Variants in RASA1 observed in about 807,000 individuals in gnomAD.
The protein encoded by RASA1 is RAS p21 protein activator 1.
RASA1 carries 25 observed loss-of-function variants against 132.2 expected under a neutral mutation model. The observed-to-expected ratio is 0.19, with a 90% confidence interval of 0.14 to 0.26. RASA1 has a LOEUF of 0.26. RASA1 is among the 10% of genes least tolerant of loss of function. RASA1 has a pLI of 1.00. For synonymous variants in RASA1, 477 were observed against 449.9 expected, an observed-to-expected ratio of 1.06 and a Z score of -0.76; for missense variants, 964 against 1,299.2, an observed-to-expected ratio of 0.74 and a Z score of 3.97.
chr5:87,389,698 A>G (rs898888766), intron 24 of RASA1, among the ~76,000 whole-genome samples, 171 bp downstream of exon 24: 7 of 152,232 alleles, frequency 4.6e-5, no homozygotes, highest in Non-Finnish European at 1.0e-4. Context: ...CCCGACTAAA[A>G]TGATGTACAT....
chr5:87,335,696 G>A (rs1757927936), intron 4 of RASA1, among the ~76,000 whole-genome samples: 1 of 152,104 alleles, frequency 6.6e-6, no homozygotes, highest in Non-Finnish European at 1.5e-5. Context: ...AAAGTGCTGG[G>A]ATTGCAGGCA....
At chr5:87,319,301 G>A (rs377301663) in intron 1 of RASA1, among the ~76,000 whole-genome samples, 1 of 152,234 alleles carries the variant, frequency 6.6e-6, no homozygotes, top group Non-Finnish European at 1.5e-5. Context: ...CAGTGCCCTA[G>A]TGGAGACTCT....
intron 7 of RASA1, 119 bp from the exon 8 acceptor site, chr5:87,349,095 G>T: frequency 1.6e-6 from 2 of 1,228,738 alleles, no homozygotes; most frequent in Non-Finnish European, 1.1e-6. Context: ...AAAAAAACAA[G>T]TTCCTGGTGA....
chr5:87,360,123 A>ATT (rs1759962456), intron 9 of RASA1, among the ~76,000 whole-genome samples: 1 of 140,668 alleles, frequency 7.1e-6, no homozygotes, highest in African/African-American at 2.7e-5. Context: ...ATCAAAATGC[A>ATT]GTTTTTTTTT....
Position 87,312,244 on chromosome 5 carries a change from C to T in RASA1, c.540-19104C>T, listed in dbSNP as rs925951822. On this transcript the variant is annotated intron_variant, in intron 1 of 24. Coordinates refer to ENST00000274376, the MANE Select transcript of RASA1 (RefSeq NM_002890.3). ...TTTAGTAAGTAATAGTCTTCATATA[C>T]TATGAATCAAAGCAATATAGAGCAA... 2.6e-4 allele frequency among the ~76,000 whole-genome samples: 40 copies of T among 152,106 alleles called. 2 individuals are homozygous for T. Among genetic ancestry groups the T allele is most frequent in the Non-Finnish European group, 1.5e-5 (1 of 68,022 alleles).
chr5:87,283,148 G>GTTTTTTTTTTTTTTTTGTTTT (rs200461511), intron 1 of RASA1, among the ~76,000 whole-genome samples: 2 of 103,258 alleles, frequency 1.9e-5, no homozygotes, highest in East Asian at 2.6e-4. Context: ...TTTTTTTTGT[G>GTTTTTTTTTTTTTTTTGTTTT]TTTTTTTTTT....
chr5:87,284,900 A>C (rs888501766), intron 1 of RASA1, among the ~76,000 whole-genome samples: 5 of 152,144 alleles, frequency 3.3e-5, no homozygotes, highest in Non-Finnish European at 7.4e-5. Context: ...TAACAAGTGA[A>C]TAGGAAATAA....
intron 7 of RASA1, among the ~76,000 whole-genome samples, chr5:87,347,536 T>G (rs1232235472): frequency 6.6e-6 from 1 of 152,006 alleles, no homozygotes; most frequent in African/African-American, 2.4e-5. Flanking sequence ...ATTCAATAGT[T>G]TCTATATTTG....
At chr5:87,287,044 C>A (rs552902998) in intron 1 of RASA1, among the ~76,000 whole-genome samples, 108 of 141,562 alleles carry the variant, frequency 7.6e-4, no homozygotes, top group Non-Finnish European at 1.3e-3. Flanking sequence ...ATATACACAC[C>A]ATATATATAC....
chr5:87,274,137 T>C (rs1402111657), intron 1 of RASA1, among the ~76,000 whole-genome samples: 2 of 152,218 alleles, frequency 1.3e-5, no homozygotes, highest in African/African-American at 4.8e-5. Flanking sequence ...AGGTGGGTAC[T>C]GAGGTCTCCA....
Position 87,338,618 on chromosome 5 carries a change from C to T in RASA1, c.1017+527C>T, listed in dbSNP as rs980082333. Among the ~76,000 whole-genome samples the T allele has an allele frequency of 1.9e-4, 28 of 148,604 alleles. 1 individual carries two copies. The South Asian group carries it at 4.0e-3, about 21-fold the overall frequency. ...AACGCCTGACCTCAAGTGTTCCACC[C>T]GCCTTAGCCTCCCAAAGTACTGGGA... On this transcript the variant is annotated intron_variant, in intron 5 of 24. Coordinates refer to ENST00000274376, the MANE Select transcript of RASA1 (RefSeq NM_002890.3).
chr5:87,281,426 T>A (rs1431324869), intron 1 of RASA1, among the ~76,000 whole-genome samples: 1 of 152,002 alleles, frequency 6.6e-6, no homozygotes, highest in Non-Finnish European at 1.5e-5. Flanking sequence ...TATTTTCTAT[T>A]TTCTTAATAA....
chr5:87,292,553 T>C (rs529227985), intron 1 of RASA1, among the ~76,000 whole-genome samples: 1 of 152,280 alleles, frequency 6.6e-6, no homozygotes, highest in South Asian at 2.1e-4. Context: ...TACCACACTA[T>C]CTTGGTTACT....
chr5:87,343,452 G>C (rs987851890), intron 6 of RASA1, among the ~76,000 whole-genome samples: 2 of 151,984 alleles, frequency 1.3e-5, no homozygotes. Flanking sequence ...CTGCCAGCAG[G>C]TATATGAAAA....
chr5:87,285,308 C>T (rs1754501500), intron 1 of RASA1, among the ~76,000 whole-genome samples: 1 of 151,890 alleles, frequency 6.6e-6, no homozygotes. Context: ...ACCTCGTGAT[C>T]CTTCCTCCTC....
chr5:87,305,593 A>C (rs1195007478), intron 1 of RASA1, among the ~76,000 whole-genome samples: 1 of 152,238 alleles, frequency 6.6e-6, no homozygotes, highest in Non-Finnish European at 1.5e-5. Context: ...TTCATGAGGA[A>C]GATGGCAAAA....
At chr5:87,316,315 G>A (rs550436846) in intron 1 of RASA1, among the ~76,000 whole-genome samples, 50 of 152,152 alleles carry the variant, frequency 3.3e-4, no homozygotes, top group Non-Finnish European at 6.3e-4. Context: ...GTTGGTTTCA[G>A]AATGCATTTT....
At chr5:87,269,915 G>C (rs1343830392) in intron 1 of RASA1, among the ~76,000 whole-genome samples, 1 of 152,042 alleles carries the variant, frequency 6.6e-6, no homozygotes, top group African/African-American at 2.4e-5. Flanking sequence ...ACTTGTTATA[G>C]ATTTCTCATA....
intron 1 of RASA1, among the ~76,000 whole-genome samples, chr5:87,319,198 T>TG (rs1176120466): frequency 9.9e-5 from 15 of 152,242 alleles, no homozygotes; most frequent in African/African-American, 3.4e-4. Context: ...ATTGAGTGCC[T>TG]GCAACTTTTG....
Sources: gnomAD v4.1 joint callset for allele counts (sites outside exome capture counted in the v4.1 genomes callset) on GRCh38, gnomAD v4.1.1 for gene constraint, MANE v1.5 for transcripts, NCBI Gene and HGNC (gene_info 2026-07-23, HGNC 2026-07-21) for gene names.